Variants in NFKB1 observed in about 807,000 individuals in gnomAD.
The protein encoded by NFKB1 is nuclear factor NF-kappa-B p105 subunit.
Under a neutral mutation model 105.1 loss-of-function variants are expected in NFKB1, and 9 were observed. The ratio of observed to expected loss-of-function variants is 0.09; its 90% CI spans 0.05 to 0.15. The LOEUF (loss-of-function observed/expected upper bound fraction) is 0.15. Ranked by LOEUF, NFKB1 falls within the 10% of genes least tolerant of loss-of-function variation. The pLI is 1.00. For missense variants in NFKB1, 830 were observed against 1,203.7 expected, an observed-to-expected ratio of 0.69 and a Z score of 4.59; for synonymous variants, 440 against 442.2, an observed-to-expected ratio of 1.00 and a Z score of 0.06.
chr4:102,594,926 T>C lies in NFKB1; in HGVS notation c.1245T>C (p.Tyr415=), dbSNP rs1033561409. ...YSFPHYGFPT[Y]GGITFHPGTT... ...TCCCACACTATGGATTTCCTACTTA[T>C]GGTGGGATTACTTTCCATCCTGGAA... Residue 415 remains tyrosine (Y), a synonymous_variant, in exon 13 of 24, where the codon TAT becomes TAC. Transcript: ENST00000226574. 5.6e-6 allele frequency: 9 copies of C among 1,611,900 alleles called. No individual in the cohort carries two copies. The highest frequency in any genetic ancestry group is 1.1e-5 in the South Asian group (1 of 90,774).
At chr4:102,550,857 A>T (rs1722518614) in intron 5 of NFKB1, among the ~76,000 whole-genome samples, 2 of 152,122 alleles carry the variant, frequency 1.3e-5, no homozygotes, top group Admixed American at 6.5e-5. Context: ...ATTCCATTTT[A>T]GGGGTTTTCC....
intron 16 of NFKB1, among the ~76,000 whole-genome samples, chr4:102,603,535 T>C (rs1271774010): frequency 2.0e-5 from 3 of 152,156 alleles, no homozygotes; most frequent in Non-Finnish European, 4.4e-5. Flanking sequence ...CGTCCATTTT[T>C]CCCCTACCTT....
chr4:102,552,552 C>T (rs1033993603), intron 5 of NFKB1, among the ~76,000 whole-genome samples: 1 of 151,960 alleles, frequency 6.6e-6, no homozygotes, highest in African/African-American at 2.4e-5. Flanking sequence ...TATTTGTATG[C>T]CCTTAGAAAG....
chr4:102,590,904 G>A (rs757857190), intron 11 of NFKB1, among the ~76,000 whole-genome samples: 1 of 152,130 alleles, frequency 6.6e-6, no homozygotes, highest in Non-Finnish European at 1.5e-5. Context: ...GTTAGCCAAG[G>A]TTTTAGTGGT....
At position 102,612,664 on chromosome 4, in the gene NFKB1, T is replaced by A. The variant is rs4648110; in HGVS notation, c.2592+58T>A. ...CATTTGACTTTACTCTGTTAACATC[T>A]CTGGCCAGGGCATAATCTCCTTCCC... On this transcript the variant is annotated intron_variant, in intron 22 of 23. Transcript: ENST00000226574. The A allele has an allele frequency of 0.2, 292,775 of 1,468,294 alleles. 31,307 individuals carry two copies. Among genetic ancestry groups the A allele is most frequent in the African/African-American group, 0.31 (21,915 of 71,592 alleles). The allele number at this position is 1,468,294 out of a possible 1,614,324, so 91.0% of individuals were successfully genotyped here.
In NFKB1 at chr4:102,594,907, A is replaced by T. The variant is rs1387837873; in HGVS notation, c.1226A>T (p.His409Leu). 13 of 1,610,668 alleles carry T rather than the reference A, an allele frequency of 8.1e-6. No homozygotes were observed. The highest frequency in any genetic ancestry group is 1.3e-5 in the African/African-American group (1 of 74,866). The change falls in exon 13 of 24, where the codon CAC becomes CTC. Residue 409 changes from histidine (H) to leucine (L), a missense_variant. His to Leu is a moderately conservative substitution (Grantham distance 99). Coordinates refer to ENST00000226574, the MANE Select transcript of NFKB1 (RefSeq NM_003998.4). Reference sequence around the variant, plus strand: ...GCCGTTTCAGGGTATAGCTTCCCACACTATGGATTTCCTACTTATGGTGGG... The same window carrying T: ...GCCGTTTCAGGGTATAGCTTCCCACTCTATGGATTTCCTACTTATGGTGGG... ...GSTGPGYSFPHYGFPTYGGIT... is the reference protein window; with the variant it reads ...GSTGPGYSFPLYGFPTYGGIT...
At chr4:102,552,459 C>T (rs1722689855) in intron 5 of NFKB1, among the ~76,000 whole-genome samples, 1 of 152,130 alleles carries the variant, frequency 6.6e-6, no homozygotes, top group African/African-American at 2.4e-5. Flanking sequence ...AGTTCATTGT[C>T]ACTGAATTGG....
chr4:102,578,244 T>G (rs1288973552), intron 7 of NFKB1: 1 of 152,544 alleles, frequency 6.6e-6, no homozygotes, highest in African/African-American at 2.4e-5. Flanking sequence ...CTGAACTCTC[T>G]CCTTCTTTGA....
intron 1 of NFKB1, among the ~76,000 whole-genome samples, chr4:102,511,189 T>C (rs1439027141): frequency 1.3e-5 from 2 of 152,246 alleles, no homozygotes; most frequent in African/African-American, 4.8e-5. Flanking sequence ...TTGATATACA[T>C]ATGCATTGTG....
At chr4:102,611,766 G>C (rs888716321) in intron 20 of NFKB1, among the ~76,000 whole-genome samples, 2 of 152,204 alleles carry the variant, frequency 1.3e-5, no homozygotes, top group Non-Finnish European at 2.9e-5. Context: ...CTTCCAAAAG[G>C]CTATAGCTCT....
Position 102,529,883 on chromosome 4 carries a change from A to G in NFKB1, c.87A>G (p.Glu29=). ...TGACTCATACAATATTTAATCCAGA[A>G]GTATTTCAACCACAGATGGCACTGC... The part of the protein sequence containing the change: ...PSLTHTIFNP[E]VFQPQMALPT... Residue 29 remains glutamate (E), a synonymous_variant, in exon 3 of 24, where the codon GAA becomes GAG. Coordinates refer to ENST00000226574, the MANE Select transcript of NFKB1 (RefSeq NM_003998.4). 6.2e-7 allele frequency: 1 copy of G among 1,610,896 alleles called. No individual in the cohort carries two copies. Among genetic ancestry groups the G allele is most frequent in the South Asian group, 1.1e-5 (1 of 90,814 alleles).
At chr4:102,603,467 A>G (rs545862618) in intron 16 of NFKB1, among the ~76,000 whole-genome samples, 3 of 152,190 alleles carry the variant, frequency 2.0e-5, no homozygotes, top group African/African-American at 7.2e-5. Context: ...AAAAACCCTG[A>G]AACCGCCACC....
intron 6 of NFKB1, among the ~76,000 whole-genome samples, chr4:102,576,002 G>A (rs1022760212): frequency 6.6e-6 from 1 of 152,084 alleles, no homozygotes; most frequent in Admixed American, 6.5e-5. Flanking sequence ...TTGTTTGCCT[G>A]TTATATTTAT....
In NFKB1 at chr4:102,607,215, G is replaced by T; in HGVS notation, c.2020G>T (p.Ala674Ser). The change falls in exon 18 of 24, where the codon GCT becomes TCT. Residue 674 changes from alanine to serine, a missense_variant. Ala to Ser is a moderately conservative substitution (Grantham distance 99). Around this residue, in one of 8 missense-constraint regions of NFKB1, gnomAD observed 418 missense variants for 575.3 expected, o/e 0.73. Transcript: ENST00000226574. ...GCCATGTTTGCTGCTGCTGGTGGCC[G>T]CTGGGGCTGACGTCAATGCTCAGGA... The part of the protein sequence containing the change: ...SLPCLLLLVA[A>S]GADVNAQEQK... 6.2e-7 allele frequency: 1 copy of T among 1,614,164 alleles called. No homozygotes were observed. The highest frequency in any genetic ancestry group is 1.1e-5 in the South Asian group (1 of 91,084).
chr4:102,522,637 G>C lies in NFKB1; in HGVS notation c.-7-2875G>C, dbSNP rs144192636. ...GTTAACTGTTTACATTCAGAAGTCT[G>C]GAAAACCATCCACAGGTTTAAATGT... On this transcript the variant is annotated intron_variant, in intron 1 of 23. Coordinates refer to ENST00000226574, the MANE Select transcript of NFKB1 (RefSeq NM_003998.4). Among the ~76,000 whole-genome samples, 727 of 152,260 alleles carry C rather than the reference G, an allele frequency of 4.8e-3. 4 individuals carry two copies. The highest frequency in any genetic ancestry group is 0.016 in the African/African-American group (652 of 41,542).
chr4:102,513,456 T>G (rs1410484929), intron 1 of NFKB1, among the ~76,000 whole-genome samples: 1 of 152,172 alleles, frequency 6.6e-6, no homozygotes, highest in Non-Finnish European at 1.5e-5. Context: ...CAAAACATCT[T>G]TTGATCTTAT....
At chr4:102,549,363 T>A (rs1722394299) in intron 5 of NFKB1, among the ~76,000 whole-genome samples, 1 of 148,616 alleles carries the variant, frequency 6.7e-6, no homozygotes, top group African/African-American at 2.4e-5. Context: ...ATATATATTA[T>A]TCTATTAATA....
intron 1 of NFKB1, among the ~76,000 whole-genome samples, chr4:102,521,694 A>G (rs535191056): frequency 1.0e-3 from 155 of 152,256 alleles, no homozygotes; most frequent in African/African-American, 3.6e-3. Flanking sequence ...TAATGGCTCA[A>G]TTCTGTGGCT....
chr4:102,538,717 A>G (rs1030745595), intron 5 of NFKB1, among the ~76,000 whole-genome samples: 2 of 152,214 alleles, frequency 1.3e-5, no homozygotes, highest in African/African-American at 2.4e-5. Context: ...CTGACTGATG[A>G]TAAACATAGA....
Sources: gnomAD v4.1 joint callset for allele counts (sites outside exome capture counted in the v4.1 genomes callset) on GRCh38, gnomAD v4.1.1 for gene constraint, gnomAD v4.1.1 regional missense constraint, MANE v1.5 for transcripts, NCBI Gene and HGNC (gene_info 2026-07-23, HGNC 2026-07-21) for gene names.